Variants in MMP26 observed in about 807,000 individuals in gnomAD.
MMP26 encodes matrix metallopeptidase 26.
Under a neutral mutation model 31.0 loss-of-function variants are expected in MMP26, and 33 were observed. That is an observed-to-expected ratio of 1.06 (90% CI 0.81 to 1.42). MMP26 has a LOEUF of 1.42. Among genes scored for constraint, MMP26 ranks in the 40% most tolerant of loss-of-function variants. The probability of loss-of-function intolerance (pLI) is 0.00; values close to 1 mark genes in which losing one functional copy is unlikely to be tolerated. For missense variants in MMP26, 347 were observed against 316.1 expected (o/e 1.10, Z -0.74); for synonymous variants, 122 against 114.9 (o/e 1.06, Z -0.40).
In MMP26 at chr11:4,793,444, A is replaced by G. The variant is rs192034025; in HGVS notation, c.-145+26103A>G. ...TTGCTTGCTCTAATTAACGTAAATG[A>G]AGAGTCAAGGTAGTCTTAGGAAAAT... On this transcript the variant is annotated intron_variant, in intron 2 of 7. Coordinates refer to ENST00000380390, the MANE Select transcript of MMP26 (RefSeq NM_021801.5). Among the ~76,000 whole-genome samples the G allele has an allele frequency of 1.8e-3, 276 of 152,318 alleles. 1 individual carries two copies. Among genetic ancestry groups the G allele is most frequent in the South Asian group, 0.011 (52 of 4,830 alleles).
intron 1 of MMP26, among the ~76,000 whole-genome samples, chr11:4,758,466 GA>G (rs376347621): frequency 0.014 from 1,331 of 93,344 alleles, 11 homozygotes; most frequent in African/African-American, 0.024. Flanking sequence ...CATCCATTTG[GA>G]AAAAAAAAAA....
intron 2 of MMP26, among the ~76,000 whole-genome samples, chr11:4,783,907 C>T (rs973874513): frequency 6.6e-6 from 1 of 152,130 alleles, no homozygotes; most frequent in African/African-American, 2.4e-5. Context: ...TGAGGTTTCC[C>T]CAGCCATGTG....
intron 2 of MMP26, among the ~76,000 whole-genome samples, chr11:4,972,645 T>A (rs1034746334): frequency 6.6e-6 from 1 of 152,068 alleles, no homozygotes; most frequent in Non-Finnish European, 1.5e-5. Flanking sequence ...ATACCATTAA[T>A]TTTCAAATTA....
chr11:4,753,389 C>A (rs1399228740), intron 1 of MMP26, among the ~76,000 whole-genome samples: 1 of 152,084 alleles, frequency 6.6e-6, no homozygotes, highest in Non-Finnish European at 1.5e-5. Context: ...AATTTAACTT[C>A]AATTTATTTA....
In MMP26 at chr11:4,800,957, A is replaced by T. The variant is rs116724397; in HGVS notation, c.-145+33616A>T. ...CAAATGACCTTAATTCCAGCTCCCA[A>T]TAGCTTCCTCATTTCCATCTGAGAA... On this transcript the variant is annotated intron_variant, in intron 2 of 7. Transcript: ENST00000380390. 5.2e-3 allele frequency among the ~76,000 whole-genome samples: 787 copies of T among 151,592 alleles called. 6 individuals are homozygous for T. The highest frequency in any genetic ancestry group is 0.018 in the African/African-American group (750 of 41,074).
At chr11:4,946,635 G>A in intron 2 of MMP26, 3 of 1,580,814 alleles carry the variant, frequency 1.9e-6, no homozygotes, top group Non-Finnish European at 1.7e-6. Context: ...AGAACCAGGA[G>A]CATGCTCTTA....
chr11:4,955,796 C>A (rs10837027), intron 2 of MMP26: 451,695 of 1,209,046 alleles, frequency 0.37, 87,121 homozygotes, highest in South Asian at 0.58. Context: ...GTAAAATAGG[C>A]ATATCTGTAA....
At chr11:4,942,504 G>A (rs1047103004) in intron 2 of MMP26, among the ~76,000 whole-genome samples, 3 of 151,998 alleles carry the variant, frequency 2.0e-5, no homozygotes, top group African/African-American at 7.2e-5. Context: ...GCTTTTTATT[G>A]AGAAAGGGGT....
intron 2 of MMP26, among the ~76,000 whole-genome samples, chr11:4,879,910 G>A (rs548139384): frequency 1.3e-5 from 2 of 152,262 alleles, no homozygotes; most frequent in East Asian, 3.9e-4. Flanking sequence ...CATTCAGGGA[G>A]CCTTCCTGGC....
chr11:4,816,376 G>T (rs754663849), intron 2 of MMP26, among the ~76,000 whole-genome samples: 1 of 152,152 alleles, frequency 6.6e-6, no homozygotes, highest in Non-Finnish European at 1.5e-5. Context: ...GGTCCATTTG[G>T]TGTAGAGCGT....
intron 2 of MMP26, among the ~76,000 whole-genome samples, chr11:4,933,540 T>G (rs564152554): frequency 1.1e-3 from 141 of 126,538 alleles, no homozygotes; most frequent in African/African-American, 3.8e-3. Flanking sequence ...TTTTTTTTTG[T>G]TTGTTTTTGT....
At chr11:4,870,878 G>A (rs747598153) in intron 2 of MMP26, among the ~76,000 whole-genome samples, 2 of 152,112 alleles carry the variant, frequency 1.3e-5, no homozygotes, top group Non-Finnish European at 2.9e-5. Context: ...TAGTTAATCA[G>A]TATGTAGATG....
At chr11:4,774,521 A>G (rs1848766545) in intron 2 of MMP26, among the ~76,000 whole-genome samples, 1 of 152,134 alleles carries the variant, frequency 6.6e-6, no homozygotes, top group African/African-American at 2.4e-5. Context: ...TAGATTCTGG[A>G]TATTAGGCCT....
chr11:4,971,855 C>T (rs983851448), intron 2 of MMP26, among the ~76,000 whole-genome samples: 12 of 152,034 alleles, frequency 7.9e-5, no homozygotes, highest in African/African-American at 2.9e-4. Context: ...CAAGATAAAA[C>T]GAAAGAGGAA....
chr11:4,900,453 A>G (rs552369436), intron 2 of MMP26, among the ~76,000 whole-genome samples: 1 of 152,306 alleles, frequency 6.6e-6, no homozygotes, highest in Non-Finnish European at 1.5e-5. Flanking sequence ...TGCCAGGTTA[A>G]TATTTAGTAG....
At chr11:4,949,117 C>T (rs1349854091) in intron 2 of MMP26, among the ~76,000 whole-genome samples, 2 of 124,638 alleles carry the variant, frequency 1.6e-5, no homozygotes, top group African/African-American at 2.7e-5. Flanking sequence ...CAGTGCATTA[C>T]TATCATGGTG....
chr11:4,919,036 T>G (rs2133578854), intron 2 of MMP26: 1 of 152,340 alleles, frequency 6.6e-6, no homozygotes, highest in African/African-American at 2.4e-5. Flanking sequence ...ATTCCTGCTG[T>G]TACCATATAG....
At position 4,750,319 on chromosome 11, in the gene MMP26, G is replaced by A. The variant is rs762023061; in HGVS notation, c.-216-16951G>A. ...AAAAGAGAACATTTACACACTGTTG[G>A]TGGGAATGTAAATTACCAGTACCTC... On this transcript the variant is annotated intron_variant, in intron 1 of 7. Transcript: ENST00000380390. Among the ~76,000 whole-genome samples, 3 of 152,080 alleles carry A rather than the reference G, an allele frequency of 2.0e-5. No homozygotes were observed. In the East Asian group the frequency reaches 5.8e-4, roughly 29 times the overall value.
rs747149546 is a variant in MMP26, at chr11:4,908,304, G to C, written c.-144-79764G>C. ...GGGAAGTTGCTTAATGTATGTGGGA[G>C]ATAAGAACTTGAACAATTAGGTAAT... On this transcript the variant is annotated intron_variant, in intron 2 of 7. Transcript: ENST00000380390. The C allele has an allele frequency of 2.5e-6, 4 of 1,612,938 alleles. No individual in the cohort carries two copies. The East Asian group carries it at 8.9e-5, about 36-fold the overall frequency.
Sources: gnomAD v4.1 joint callset for allele counts (sites outside exome capture counted in the v4.1 genomes callset) on GRCh38, gnomAD v4.1.1 for gene constraint, MANE v1.5 for transcripts, NCBI Gene and HGNC (gene_info 2026-07-23, HGNC 2026-07-21) for gene names.